Variants in PLD1 observed in about 807,000 individuals in gnomAD.
PLD1 encodes phospholipase D1.
PLD1 carries 112 observed loss-of-function variants against 137.1 expected under a neutral mutation model. The observed-to-expected ratio is 0.82, with a 90% CI of 0.70 to 0.96. PLD1 has a LOEUF of 0.96. PLD1 is among the 40% of genes least tolerant of loss of function. The probability of loss-of-function intolerance (pLI) is 0.00; values close to 1 mark genes in which losing one functional copy is unlikely to be tolerated. For synonymous variants in PLD1, 431 were observed against 454.7 expected (o/e 0.95, Z 0.66); for missense variants, 1,321 against 1,342.0 (o/e 0.98, Z 0.24).
At chr3:171,681,252 G>A (rs935536747) in intron 16 of PLD1, among the ~76,000 whole-genome samples, 1 of 152,172 alleles carries the variant, frequency 6.6e-6, no homozygotes, top group African/African-American at 2.4e-5. Context: ...AACATAAATG[G>A]TTTGCCTACA....
At chr3:171,671,976 G>A (rs1243173888) in intron 19 of PLD1, among the ~76,000 whole-genome samples, 2 of 151,818 alleles carry the variant, frequency 1.3e-5, no homozygotes, top group Non-Finnish European at 2.9e-5. Context: ...CACTCCAGGT[G>A]TAGCCCCCAC....
intron 24 of PLD1, among the ~76,000 whole-genome samples, chr3:171,618,972 T>C (rs1733360743): frequency 6.6e-6 from 1 of 152,162 alleles, no homozygotes; most frequent in South Asian, 2.1e-4. Flanking sequence ...ACAGTTTTAT[T>C]CTTCTCAGAT....
At chr3:171,631,874 A>G (rs1244350039) in intron 23 of PLD1, among the ~76,000 whole-genome samples, 1 of 152,236 alleles carries the variant, frequency 6.6e-6, no homozygotes, top group Non-Finnish European at 1.5e-5. Context: ...AAATGATGGA[A>G]TCACAAAGTC....
intron 1 of PLD1, among the ~76,000 whole-genome samples, chr3:171,808,495 C>T (rs894755493): frequency 9.2e-5 from 14 of 152,088 alleles, no homozygotes; most frequent in African/African-American, 3.4e-4. Context: ...GAGATCGCGC[C>T]ACTGCACTCC....
At chr3:171,638,889 G>C (rs1454904748) in intron 23 of PLD1, among the ~76,000 whole-genome samples, 1 of 152,032 alleles carries the variant, frequency 6.6e-6, no homozygotes, top group African/African-American at 2.4e-5. Context: ...ATCCATTGAG[G>C]GCCAGAGGAG....
chr3:171,740,727 G>T (rs1432174270), intron 1 of PLD1, among the ~76,000 whole-genome samples: 1 of 152,166 alleles, frequency 6.6e-6, no homozygotes, highest in Non-Finnish European at 1.5e-5. Flanking sequence ...TGAAAAACTT[G>T]AAGAGTGAGA....
chr3:171,798,743 A>C (rs894904163), intron 1 of PLD1, among the ~76,000 whole-genome samples: 1 of 152,182 alleles, frequency 6.6e-6, no homozygotes. Flanking sequence ...AAAACTCTTC[A>C]GGTCTGTCTA....
At chr3:171,777,410 C>A (rs1722627462) in intron 1 of PLD1, among the ~76,000 whole-genome samples, 1 of 152,194 alleles carries the variant, frequency 6.6e-6, no homozygotes, top group African/African-American at 2.4e-5. Flanking sequence ...AGAGGGAACT[C>A]AACCTGGCAG....
In PLD1 at chr3:171,662,046, T is replaced by A; in HGVS notation, c.2340+14A>T. ...AGGCAGTTTCTCACACGAATTTACA[T>A]GAGCAAGACTTACTTCGATATAGAT... On this transcript the variant is annotated intron_variant, in intron 20 of 26. Coordinates refer to ENST00000351298, the MANE Select transcript of PLD1 (RefSeq NM_002662.5). 3 of 1,471,678 alleles carry A rather than the reference T, an allele frequency of 2.0e-6. No homozygotes were observed. The highest frequency in any genetic ancestry group is 2.8e-6 in the Non-Finnish European group (3 of 1,055,500). 91.2% of individuals were successfully genotyped at this position (1,471,678 alleles called of 1,614,324 possible). A position where few individuals can be genotyped will look rare whatever the true frequency, so the allele number is the denominator to read the frequency against.
At chr3:171,699,676 A>G (rs1716065402) in intron 12 of PLD1, 69 bp downstream of exon 12, 6 of 1,139,252 alleles carry the variant, frequency 5.3e-6, no homozygotes, top group Non-Finnish European at 7.9e-6. Flanking sequence ...AAGGCTTTGA[A>G]AAGAAAAGCA....
intron 1 of PLD1, among the ~76,000 whole-genome samples, chr3:171,762,012 A>AC (rs1397879446): frequency 1.3e-5 from 2 of 152,242 alleles, no homozygotes; most frequent in African/African-American, 4.8e-5. Flanking sequence ...ATTCATTTGA[A>AC]CACTGGTATT....
chr3:171,640,698 G>A (rs940283522), intron 23 of PLD1, among the ~76,000 whole-genome samples: 4 of 152,182 alleles, frequency 2.6e-5, no homozygotes, highest in African/African-American at 9.6e-5. Flanking sequence ...CCAGAGGTGA[G>A]AGCTTAGGGC....
intron 1 of PLD1, chr3:171,792,485 G>A (rs1200557711): frequency 1.2e-5 from 5 of 431,842 alleles, no homozygotes; most frequent in South Asian, 6.7e-5. Context: ...CACACCAGCT[G>A]ATCTGCAAGG....
At chr3:171,798,559 A>T (rs1723520882) in intron 1 of PLD1, among the ~76,000 whole-genome samples, 2 of 152,196 alleles carry the variant, frequency 1.3e-5, no homozygotes, top group South Asian at 4.1e-4. Flanking sequence ...AGAGAGAAAG[A>T]CTGAGAATTG....
intron 25 of PLD1, 119 bp from the exon 26 acceptor site, chr3:171,605,535 C>T: frequency 4.5e-6 from 3 of 670,518 alleles, no homozygotes; most frequent in Non-Finnish European, 8.0e-6. Flanking sequence ...ATTTGAGAGA[C>T]CATGACCTAG....
intron 21 of PLD1, among the ~76,000 whole-genome samples, chr3:171,657,702 AG>A (rs1230264548): frequency 6.6e-6 from 1 of 152,226 alleles, no homozygotes; most frequent in Non-Finnish European, 1.5e-5. Flanking sequence ...AGGAGAAAAC[AG>A]GCATAAATCT....
At chr3:171,704,111 T>C (rs9850783) in intron 11 of PLD1, among the ~76,000 whole-genome samples, 78,128 of 151,996 alleles carry the variant, frequency 0.51, 21,284 homozygotes, top group African/African-American at 0.7. Context: ...TCCTGGCTCA[T>C]TCCCAAGCTG....
chr3:171,742,264 T>G (rs2108273401), intron 1 of PLD1, among the ~76,000 whole-genome samples: 1 of 152,282 alleles, frequency 6.6e-6, no homozygotes, highest in South Asian at 2.1e-4. Flanking sequence ...CTTGCTCTCT[T>G]GCCCAGGCTG....
At chr3:171,684,368 G>A (rs913375529) in intron 16 of PLD1, among the ~76,000 whole-genome samples, 5 of 152,114 alleles carry the variant, frequency 3.3e-5, no homozygotes, top group African/African-American at 1.2e-4. Flanking sequence ...ACCTGGAGCT[G>A]TTTCCAACCC....
Sources: gnomAD v4.1 joint callset for allele counts (sites outside exome capture counted in the v4.1 genomes callset) on GRCh38, gnomAD v4.1.1 for gene constraint, MANE v1.5 for transcripts, NCBI Gene and HGNC (gene_info 2026-07-23, HGNC 2026-07-21) for gene names.